Variants in THSD7A observed in about 807,000 individuals in gnomAD.
The protein encoded by THSD7A is thrombospondin type-1 domain-containing protein 7A.
A neutral mutation model predicts 231.3 loss-of-function variants in THSD7A; 96 were observed. The ratio of observed to expected loss-of-function variants is 0.41; its 90% confidence interval spans 0.35 to 0.49. The LOEUF is 0.49. THSD7A is among the 20% of genes least tolerant of loss of function. The probability of loss-of-function intolerance (pLI) is 0.05; values close to 1 mark genes in which losing one functional copy is unlikely to be tolerated. For missense variants in THSD7A, 2,290 were observed against 2,070.2 expected, an observed-to-expected ratio of 1.11 and a Z score of -2.06; for synonymous variants, 940 against 743.3, an observed-to-expected ratio of 1.26 and a Z score of -4.30.
intron 1 of THSD7A, among the ~76,000 whole-genome samples, chr7:11,812,105 T>TTGTGTGTGTG (rs34130500): frequency 7.5e-6 from 1 of 133,562 alleles, no homozygotes; most frequent in African/African-American, 3.1e-5. Context: ...GAAAAGAAAA[T>TTGTGTGTGTG]TGTGTGTGTG....
chr7:11,582,078 C>G (rs1791188753), intron 4 of THSD7A, among the ~76,000 whole-genome samples: 1 of 151,892 alleles, frequency 6.6e-6, no homozygotes, highest in Non-Finnish European at 1.5e-5. Context: ...TTTTAAAGCT[C>G]CAATTCTAGT....
intron 2 of THSD7A, among the ~76,000 whole-genome samples, chr7:11,615,856 C>G (rs1053182982): frequency 1.3e-5 from 2 of 152,054 alleles, no homozygotes; most frequent in South Asian, 4.1e-4. Context: ...TTAATTTCCT[C>G]TATTGTCTTG....
intron 1 of THSD7A, among the ~76,000 whole-genome samples, chr7:11,764,261 A>G (rs77521364): frequency 0.05 from 7,619 of 152,278 alleles, 215 homozygotes; most frequent in East Asian, 0.14. Context: ...GTATTTACAA[A>G]TAGTCTATAG....
Position 11,743,512 on chromosome 7 carries a change from G to A in THSD7A, c.190+88245C>T, listed in dbSNP as rs6963014. Among the ~76,000 whole-genome samples, 695 of 151,776 alleles carry A rather than the reference G, an allele frequency of 4.6e-3. 5 individuals are homozygous for A. Among genetic ancestry groups the A allele is most frequent in the African/African-American group, 0.016 (658 of 41,440 alleles). On this transcript the variant is annotated intron_variant, in intron 1 of 27. Coordinates refer to ENST00000423059, the MANE Select transcript of THSD7A (RefSeq NM_015204.3). ...CCTCTTTTTTGTAGTCTAATACTAC[G>A]CATTCTGGTTTCAGATTTTCTTTTC...
intron 4 of THSD7A, among the ~76,000 whole-genome samples, chr7:11,589,229 G>A (rs1489404433): frequency 3.3e-5 from 5 of 151,882 alleles, no homozygotes; most frequent in Admixed American, 3.3e-4. Context: ...GTATTTTCTA[G>A]GAAATCCAAT....
chr7:11,572,825 C>T (rs1196082969), intron 4 of THSD7A, among the ~76,000 whole-genome samples: 2 of 152,086 alleles, frequency 1.3e-5, no homozygotes, highest in South Asian at 2.1e-4. Context: ...TCTCATGATA[C>T]GTTTCTTCTG....
chr7:11,385,260 AT>A (rs1195785431), intron 23 of THSD7A: 1 of 151,868 alleles, frequency 6.6e-6, no homozygotes, highest in Non-Finnish European at 1.5e-5. Context: ...TGATAATTTT[AT>A]TTTTTCATTT....
intron 1 of THSD7A, among the ~76,000 whole-genome samples, chr7:11,653,695 A>C (rs1782600454): frequency 6.6e-6 from 1 of 151,872 alleles, no homozygotes; most frequent in South Asian, 2.1e-4. Context: ...GCCAGCAATC[A>C]GTTTTGTACA....
chr7:11,718,299 T>C lies in THSD7A; in HGVS notation c.191-81338A>G, dbSNP rs532881673. Among the ~76,000 whole-genome samples the C allele has an allele frequency of 2.0e-5, 3 of 151,752 alleles. No homozygotes were observed. The East Asian group carries it at 5.9e-4, about 30-fold the overall frequency. On this transcript the variant is annotated intron_variant, in intron 1 of 27. Transcript: ENST00000423059. ...CAAATTTGAGTACATTTAAATTTTG[T>C]TCCCCCACCCAAATTGCCTAACCTG... is the stretch of plus-strand genomic sequence containing the variant.
intron 1 of THSD7A, among the ~76,000 whole-genome samples, chr7:11,756,422 G>GGTT (rs578095847): frequency 1.1e-3 from 174 of 152,148 alleles, no homozygotes; most frequent in South Asian, 0.011. Context: ...AATACTTGGG[G>GGTT]AGTAACTGAA....
At chr7:11,581,842 A>ATATAAAT (rs1283817887) in intron 4 of THSD7A, among the ~76,000 whole-genome samples, 2 of 152,100 alleles carry the variant, frequency 1.3e-5, no homozygotes, top group African/African-American at 4.8e-5. Context: ...TATGATTTTT[A>ATATAAAT]CCATGCTTTG....
In THSD7A at chr7:11,636,886, A is replaced by G. The variant is rs752096835; in HGVS notation, c.266T>C (p.Val89Ala). 2.5e-6 allele frequency: 4 copies of G among 1,613,810 alleles called. No individual in the cohort carries two copies. Among genetic ancestry groups the G allele is most frequent in the Middle Eastern group, 1.6e-4 (1 of 6,062 alleles). The change falls in exon 2 of 28, where the codon GTG (valine) becomes GCG (alanine). Residue 89 changes from valine to alanine, a missense_variant. Physicochemically the swap from Val to Ala is moderately conservative, Grantham distance 64. Coordinates refer to ENST00000423059, the MANE Select transcript of THSD7A (RefSeq NM_015204.3). This position sits in a 1 kb window ranked among gnomAD's most constrained non-coding sequence, Gnocchi z 10.0. ...IQTRAVWCAH[V>A]EGWTTLHTNC... ...AGTATGCAGTGTAGTCCATCCCTCC[A>G]CATGAGCACACCACACAGCCCTCGT...
chr7:11,524,477 C>T (rs995528509), intron 6 of THSD7A, among the ~76,000 whole-genome samples: 1 of 152,126 alleles, frequency 6.6e-6, no homozygotes, highest in African/African-American at 2.4e-5. Flanking sequence ...TTTCAACGAA[C>T]CTTTAAGTTG....
At chr7:11,671,577 C>T (rs376969834) in intron 1 of THSD7A, among the ~76,000 whole-genome samples, 125 of 152,146 alleles carry the variant, frequency 8.2e-4, no homozygotes, top group Middle Eastern at 3.4e-3. Context: ...CTTTAAAAGA[C>T]GGTTACATAA....
chr7:11,761,303 C>T (rs1010490232), intron 1 of THSD7A, among the ~76,000 whole-genome samples: 1 of 152,048 alleles, frequency 6.6e-6, no homozygotes, highest in African/African-American at 2.4e-5. Flanking sequence ...AATCCAACAT[C>T]TGTTAACTGA....
In THSD7A at chr7:11,590,665, C is replaced by T; in HGVS notation, c.1272-24G>A. 1 of 1,575,524 alleles carries T rather than the reference C, an allele frequency of 6.3e-7. No homozygotes were observed. Among genetic ancestry groups the T allele is most frequent in the Non-Finnish European group, 8.6e-7 (1 of 1,161,208 alleles). On this transcript the variant is annotated intron_variant, in intron 3 of 27. Coordinates refer to ENST00000423059, the MANE Select transcript of THSD7A (RefSeq NM_015204.3). The surrounding 1 kb of genome is among the most constrained non-coding windows in gnomAD (Gnocchi z 4.4). ...ACCTAAATAAAGACAACACCACCAG[C>T]AGCAACCATAATTATTGAATGACGT...
intron 1 of THSD7A, among the ~76,000 whole-genome samples, chr7:11,809,422 C>G (rs1205544738): frequency 6.6e-6 from 1 of 152,174 alleles, no homozygotes; most frequent in East Asian, 1.9e-4. Context: ...TGTTGCTTAT[C>G]TATCAGGCAC....
At chr7:11,696,090 G>C (rs1426693615) in intron 1 of THSD7A, among the ~76,000 whole-genome samples, 1 of 151,468 alleles carries the variant, frequency 6.6e-6, no homozygotes, top group African/African-American at 2.4e-5. Flanking sequence ...TGAGATTCTA[G>C]GCTAAGAAAC....
intron 3 of THSD7A, among the ~76,000 whole-genome samples, chr7:11,591,021 G>C (rs1780141959): frequency 6.6e-6 from 1 of 152,168 alleles, no homozygotes; most frequent in African/African-American, 2.4e-5. Flanking sequence ...TCTGAGTGAT[G>C]ATGAACCAAA....
Sources: allele counts gnomAD v4.1 joint callset (sites outside exome capture counted in the v4.1 genomes callset), GRCh38; gene constraint gnomAD v4.1.1; non-coding constraint Gnocchi (gnomAD v3.1); transcripts MANE v1.5; gene names NCBI Gene and HGNC (gene_info 2026-07-23, HGNC 2026-07-21).